Variants in BNC2 observed in about 807,000 individuals in gnomAD.
The protein encoded by BNC2 is zinc finger protein basonuclin-2.
Under a neutral mutation model 76.3 loss-of-function variants are expected in BNC2, and 20 were observed. The ratio of observed to expected loss-of-function variants is 0.26; its 90% confidence interval spans 0.18 to 0.38. The LOEUF is 0.38. BNC2 is among the 10% of genes least tolerant of loss of function. The pLI is 1.00. For synonymous variants in BNC2, 582 were observed against 514.8 expected, an observed-to-expected ratio of 1.13 and a Z score of -1.77; for missense variants, 1,382 against 1,399.8, an observed-to-expected ratio of 0.99 and a Z score of 0.20.
At chr9:16,679,028 A>T (rs753258703) in intron 3 of BNC2, among the ~76,000 whole-genome samples, 10 of 152,202 alleles carry the variant, frequency 6.6e-5, no homozygotes, top group Non-Finnish European at 1.5e-4. Context: ...TCACAGGAAC[A>T]TTCGTATCTG....
intron 3 of BNC2, among the ~76,000 whole-genome samples, chr9:16,608,308 A>T (rs1013544095): frequency 1.3e-5 from 2 of 152,202 alleles, no homozygotes; most frequent in African/African-American, 4.8e-5. Flanking sequence ...AGCTAAGCAC[A>T]GTGATAGACA....
chr9:16,707,724 C>G (rs1174438489), intron 3 of BNC2, among the ~76,000 whole-genome samples: 1 of 152,154 alleles, frequency 6.6e-6, no homozygotes, highest in Non-Finnish European at 1.5e-5. Flanking sequence ...TCACTGCAAC[C>G]TCCACCTCCC....
intron 1 of BNC2, among the ~76,000 whole-genome samples, chr9:16,759,221 T>C (rs1825480742): frequency 6.6e-6 from 1 of 152,216 alleles, no homozygotes; most frequent in Non-Finnish European, 1.5e-5. Context: ...GCAATTGGAA[T>C]TGAGGCTTAA....
At chr9:16,566,954 T>A (rs908502110) in intron 4 of BNC2, among the ~76,000 whole-genome samples, 10 of 152,096 alleles carry the variant, frequency 6.6e-5, no homozygotes, top group Admixed American at 2.6e-4. Flanking sequence ...AGGAAAAAAA[T>A]TCATACAATA....
intron 6 of BNC2, among the ~76,000 whole-genome samples, chr9:16,428,707 G>T (rs971836351): frequency 6.6e-6 from 1 of 151,864 alleles, no homozygotes; most frequent in African/African-American, 2.4e-5. Context: ...ATTAGAGCAA[G>T]CAACAAAAAG....
At chr9:16,787,673 G>A (rs961219181) in intron 1 of BNC2, among the ~76,000 whole-genome samples, 4 of 152,082 alleles carry the variant, frequency 2.6e-5, no homozygotes, top group East Asian at 1.9e-4. Context: ...TCTGGCCACC[G>A]CTTCCTACAG....
At chr9:16,704,926 A>G (rs1394062662) in intron 3 of BNC2, 1 of 151,278 alleles carries the variant, frequency 6.6e-6, no homozygotes, top group East Asian at 2.0e-4. Flanking sequence ...TTTCTGGCGC[A>G]CTCCTCCTCT....
chr9:16,746,958 T>A (rs1405049979), intron 1 of BNC2, among the ~76,000 whole-genome samples: 1 of 91,072 alleles, frequency 1.1e-5, no homozygotes, highest in East Asian at 2.1e-4. Context: ...CAAGACTCCA[T>A]CTCAAAAAAA....
intron 5 of BNC2, among the ~76,000 whole-genome samples, chr9:16,460,539 C>T (rs775259807): frequency 2.1e-4 from 32 of 152,134 alleles, no homozygotes; most frequent in Non-Finnish European, 2.8e-4. Context: ...ACAAGAATCA[C>T]TTGTACTCGG....
chr9:16,724,264 A>G (rs1042530520), intron 3 of BNC2, among the ~76,000 whole-genome samples: 1 of 152,002 alleles, frequency 6.6e-6, no homozygotes, highest in East Asian at 1.9e-4. Flanking sequence ...AGCTACAAGA[A>G]TTTTATTTAC....
At chr9:16,643,018 G>C (rs1821530271) in intron 3 of BNC2, among the ~76,000 whole-genome samples, 5 of 152,128 alleles carry the variant, frequency 3.3e-5, no homozygotes, top group Admixed American at 3.3e-4. Context: ...TGCTGTCATG[G>C]TGCCAGGCCA....
At chr9:16,740,515 T>A (rs567644755) in intron 1 of BNC2, among the ~76,000 whole-genome samples, 6 of 152,318 alleles carry the variant, frequency 3.9e-5, no homozygotes, top group African/African-American at 1.4e-4. Context: ...TGTAGACTGA[T>A]AGGTATACAG....
chr9:16,862,883 A>G (rs1819445236), intron 1 of BNC2, among the ~76,000 whole-genome samples: 1 of 151,308 alleles, frequency 6.6e-6, no homozygotes, highest in Non-Finnish European at 1.5e-5. Context: ...TGACCACGGC[A>G]GATTCATCTA....
At chr9:16,604,730 G>A (rs1820333990) in intron 3 of BNC2, among the ~76,000 whole-genome samples, 1 of 152,114 alleles carries the variant, frequency 6.6e-6, no homozygotes, top group South Asian at 2.1e-4. Flanking sequence ...CTTGAACCCA[G>A]GAGATGAGGT....
chr9:16,637,625 G>A (rs552907503), intron 3 of BNC2, among the ~76,000 whole-genome samples: 2 of 152,192 alleles, frequency 1.3e-5, no homozygotes, highest in East Asian at 3.9e-4. Flanking sequence ...TTAAAAAAAA[G>A]CAAAAACAGT....
intron 3 of BNC2, among the ~76,000 whole-genome samples, chr9:16,597,900 G>A (rs561028497): frequency 6.6e-6 from 1 of 152,170 alleles, no homozygotes; most frequent in East Asian, 1.9e-4. Flanking sequence ...GTTTTGAAGA[G>A]TTAAATCCAT....
At chr9:16,465,137 T>C (rs1429987538) in intron 5 of BNC2, among the ~76,000 whole-genome samples, 3 of 152,128 alleles carry the variant, frequency 2.0e-5, no homozygotes, top group South Asian at 2.1e-4. Context: ...AGGAGTAAGA[T>C]TGAAATGTGT....
intron 4 of BNC2, among the ~76,000 whole-genome samples, chr9:16,561,036 T>G (rs1234339676): frequency 6.6e-6 from 1 of 151,996 alleles, no homozygotes; most frequent in Admixed American, 6.6e-5. Flanking sequence ...GTCAGGAGTT[T>G]GTGACCAGCC....
intron 3 of BNC2, among the ~76,000 whole-genome samples, chr9:16,591,452 T>C (rs555270902): frequency 1.3e-5 from 2 of 152,332 alleles, no homozygotes; most frequent in East Asian, 3.9e-4. Context: ...AAAAGCTTTA[T>C]TAACAACCTA....
Sources: allele counts gnomAD v4.1 joint callset (sites outside exome capture counted in the v4.1 genomes callset), GRCh38; gene constraint gnomAD v4.1.1; transcripts MANE v1.5; gene names NCBI Gene and HGNC (gene_info 2026-07-23, HGNC 2026-07-21).